Variants in SYNE2 observed in about 807,000 individuals in gnomAD.
SYNE2 encodes nesprin-2.
SYNE2 carries 431 observed loss-of-function variants against 856.3 expected under a neutral mutation model. The observed-to-expected ratio is 0.50, with a 90% CI of 0.47 to 0.55. The LOEUF is 0.55. Among genes scored for constraint, SYNE2 ranks in the 20% least tolerant of loss-of-function variants. SYNE2 has a pLI of 0.00. For synonymous variants in SYNE2, 2,923 were observed against 2,872.3 expected (o/e 1.02, Z -0.56); for missense variants, 8,129 against 8,023.2 (o/e 1.01, Z -0.50).
chr14:64,079,434 A>G (rs1214555791), intron 55 of SYNE2, among the ~76,000 whole-genome samples: 1 of 152,244 alleles, frequency 6.6e-6, no homozygotes, highest in Admixed American at 6.5e-5. Flanking sequence ...GGGGCTTTTA[A>G]AATAGGTCAG....
intron 48 of SYNE2, among the ~76,000 whole-genome samples, chr14:64,055,367 C>CTTTT (rs35956880): frequency 2.3e-5 from 3 of 131,918 alleles, no homozygotes; most frequent in Admixed American, 7.7e-5. Context: ...CTGAAAATAA[C>CTTTT]TTTTTTTTTT....
Position 64,026,687 on chromosome 14 carries a change from A to C in SYNE2, c.6361A>C (p.Asn2121His), listed in dbSNP as rs776169606. 2 of 1,612,512 alleles carry C rather than the reference A, an allele frequency of 1.2e-6. No individual in the cohort carries two copies. Among genetic ancestry groups the C allele is most frequent in the Non-Finnish European group, 1.7e-6 (2 of 1,179,188 alleles). Residue 2121 changes from asparagine to histidine, a missense_variant, in exon 42 of 116, where the codon AAC becomes CAC. By Grantham distance (68) the Asn-to-His change is moderately conservative (BLOSUM62 1). Around this residue, in one of 3 missense-constraint regions of SYNE2, gnomAD observed 297 missense variants for 380.9 expected, o/e 0.78. Transcript: ENST00000555002. Reference sequence around the variant, plus strand: ...TCAGAAGACCCTCACTGACATCAGCAACCAGTGGGACAACACACTCCATTT... The same window carrying C: ...TCAGAAGACCCTCACTGACATCAGCCACCAGTGGGACAACACACTCCATTT... ...LVQKTLTDIS[N>H]QWDNTLHLAS... is the part of the protein sequence containing the mutation.
At chr14:63,794,797 C>T (rs1256618377) in intron 1 of SYNE2, among the ~76,000 whole-genome samples, 1 of 152,294 alleles carries the variant, frequency 6.6e-6, no homozygotes, top group African/African-American at 2.4e-5. Context: ...GGAACCCATA[C>T]ATTGCTGGTG....
chr14:64,087,756 C>T lies in SYNE2; in HGVS notation c.11570C>T (p.Thr3857Ile), dbSNP rs746928375. The change falls in exon 58 of 116, where the codon ACA becomes ATA. Residue 3857 changes from threonine to isoleucine, a missense_variant. Coordinates refer to ENST00000555002, the MANE Select transcript of SYNE2 (RefSeq NM_182914.3). Reference protein sequence around the residue: ...DLEDLSIIFETDELTQSIQEL... With the variant: ...DLEDLSIIFEIDELTQSIQEL... ...GAAGACCTGTCAATAATTTTTGAAACAGATGAATTAACCCAATCCATACAA... is the reference window on the plus strand; with the variant it reads ...GAAGACCTGTCAATAATTTTTGAAATAGATGAATTAACCCAATCCATACAA... 2 of 1,614,044 alleles carry T rather than the reference C, an allele frequency of 1.2e-6. No individual in the cohort carries two copies. The highest frequency in any genetic ancestry group is 2.2e-5 in the South Asian group (2 of 91,084).
intron 46 of SYNE2, chr14:64,048,724 A>T (rs566354976): frequency 6.6e-6 from 1 of 152,574 alleles, no homozygotes; most frequent in Admixed American, 6.5e-5. Flanking sequence ...CCTGGGCAGC[A>T]TTGCGAGACC....
At chr14:64,129,303 G>A (rs1296156483) in intron 74 of SYNE2, among the ~76,000 whole-genome samples, 3 of 152,082 alleles carry the variant, frequency 2.0e-5, no homozygotes, top group Non-Finnish European at 2.9e-5. Context: ...CCAGACTTTT[G>A]TCTCTAAATA....
chr14:64,037,856 C>T (rs1198454979), intron 45 of SYNE2, among the ~76,000 whole-genome samples: 21 of 150,330 alleles, frequency 1.4e-4, no homozygotes, highest in African/African-American at 4.7e-4. Flanking sequence ...ACACCCCCAC[C>T]TCCCTCCCGG....
intron 65 of SYNE2, among the ~76,000 whole-genome samples, chr14:64,110,419 A>G (rs2097796494): frequency 6.6e-6 from 1 of 152,190 alleles, no homozygotes; most frequent in African/African-American, 2.4e-5. Flanking sequence ...GTAGATTCCA[A>G]AGTGTAGTGA....
rs530791987 is a variant in SYNE2 at position 63,843,135 on chromosome 14, C to G, written c.-304-9366C>G. On this transcript the variant is annotated intron_variant, in intron 1 of 23. Transcript: ENST00000674003. The stretch of plus-strand genomic sequence containing the variant: ...CACTGCAACCTCTACCTCCCAGGCT[C>G]AAGTGATCCTCCCACCTTAGCCTTT... 4.6e-5 allele frequency among the ~76,000 whole-genome samples: 7 copies of G among 152,176 alleles called. No homozygotes were observed. In the South Asian group the frequency reaches 6.2e-4, roughly 14 times the overall value.
At chr14:63,991,643 C>T (rs1190990164) in intron 21 of SYNE2, among the ~76,000 whole-genome samples, 1 of 152,100 alleles carries the variant, frequency 6.6e-6, no homozygotes, top group Non-Finnish European at 1.5e-5. Flanking sequence ...GTTTGATAGG[C>T]TGAGGTTGCA....
At position 63,807,341 on chromosome 14, in the gene SYNE2, C is replaced by CAA. The variant is rs574264237; in HGVS notation, c.-304-45143_-304-45142dup. 8.5e-4 allele frequency among the ~76,000 whole-genome samples: 74 copies of CAA among 86,632 alleles called. 1 individual carries two copies. The highest frequency in any genetic ancestry group is 1.0e-3 in the Non-Finnish European group (41 of 40,890). The allele number at this position is 86,632 out of a possible 152,430, so 56.8% of individuals were successfully genotyped here. ...TGGATGACAGAACAAGACCCTGTCTCAAAAAAAAAAAAAAAAAAGTAGGTC... is the reference window on the plus strand; with the variant it reads ...TGGATGACAGAACAAGACCCTGTCTCAAAAAAAAAAAAAAAAAAAAGTAGGTC... On this transcript the variant is annotated intron_variant, in intron 1 of 23. Transcript: ENST00000674003.
chr14:63,814,558 TAATA>T (rs1176426706), intron 1 of SYNE2, among the ~76,000 whole-genome samples: 3 of 139,646 alleles, frequency 2.1e-5, no homozygotes, highest in African/African-American at 7.8e-5. Flanking sequence ...CCATTATATA[TAATA>T]TATATCCTTA....
chr14:64,114,187 T>C (rs1274741780), intron 66 of SYNE2, among the ~76,000 whole-genome samples: 1 of 152,172 alleles, frequency 6.6e-6, no homozygotes, highest in Non-Finnish European at 1.5e-5. Context: ...GGATATAAAC[T>C]TCCTTGCCGC....
chr14:63,775,528 G>A (rs943989905), intron 1 of SYNE2, among the ~76,000 whole-genome samples: 3 of 152,006 alleles, frequency 2.0e-5, no homozygotes, highest in East Asian at 1.9e-4. Flanking sequence ...TACCTGCCTC[G>A]GCCTCCCAAA....
chr14:64,202,827 C>G lies in SYNE2; in HGVS notation c.18065C>G (p.Ala6022Gly). ...SRVKKLKETF[A>G]FIQQLDKNMS... is the part of the protein sequence containing the mutation. ...GTGAAGAAGCTGAAGGAGACCTTTG[C>G]TTTTATTCAGCAGTTGGACAAAAAC... The change falls in exon 100 of 116, where the codon GCT becomes GGT. Residue 6022 changes from alanine to glycine, a missense_variant. Physicochemically the swap from Ala to Gly is moderately conservative, Grantham distance 60 (BLOSUM62 0). This residue lies in a region of SYNE2 where 5,410 missense variants were observed against 5,284.8 expected (regional missense o/e 1.02). Coordinates refer to ENST00000555002, the MANE Select transcript of SYNE2 (RefSeq NM_182914.3). 1 of 1,614,066 alleles carries G rather than the reference C, an allele frequency of 6.2e-7. No individual in the cohort carries two copies. Among genetic ancestry groups the G allele is most frequent in the Non-Finnish European group, 8.5e-7 (1 of 1,180,014 alleles).
In SYNE2 at chr14:64,091,013, G is replaced by A. The variant is rs2097607724; in HGVS notation, c.11941G>A (p.Glu3981Lys). The change falls in exon 60 of 116, where the codon GAA becomes AAA. Residue 3981 changes from glutamate to lysine, a missense_variant. Around this residue, in one of 3 missense-constraint regions of SYNE2, gnomAD observed 5,410 missense variants for 5,284.8 expected, o/e 1.02. Coordinates refer to ENST00000555002, the MANE Select transcript of SYNE2 (RefSeq NM_182914.3). Reference protein sequence around the residue: ...NQLLQDIKLLENVTQEQNELL... With the variant: ...NQLLQDIKLLKNVTQEQNELL... ...GCTTTTACAAGATATAAAACTATTG[G>A]AAAATGTGACTCAAGAACAAAATGA... is the stretch of plus-strand genomic sequence containing the variant. 1.9e-6 allele frequency: 3 copies of A among 1,613,934 alleles called. No individual in the cohort carries two copies. Among genetic ancestry groups the A allele is most frequent in the African/African-American group, 2.7e-5 (2 of 74,924 alleles).
intron 100 of SYNE2, among the ~76,000 whole-genome samples, chr14:64,204,850 T>G (rs1459947168): frequency 6.6e-6 from 1 of 152,226 alleles, no homozygotes; most frequent in African/African-American, 2.4e-5. Flanking sequence ...CTGAAATGGA[T>G]CTCACTGGGC....
chr14:64,217,937 G>T (rs561563461), intron 108 of SYNE2, among the ~76,000 whole-genome samples: 1 of 152,306 alleles, frequency 6.6e-6, no homozygotes, highest in East Asian at 1.9e-4. Flanking sequence ...CCCCTGGGAG[G>T]CAGATTCATC....
At chr14:64,114,045 A>C (rs2097834652) in intron 66 of SYNE2, among the ~76,000 whole-genome samples, 1 of 152,228 alleles carries the variant, frequency 6.6e-6, no homozygotes, top group Non-Finnish European at 1.5e-5. Flanking sequence ...ATTCAATTTT[A>C]GTAAGTAATT....
Sources: allele counts gnomAD v4.1 joint callset (sites outside exome capture counted in the v4.1 genomes callset), GRCh38; gene constraint gnomAD v4.1.1; regional missense constraint gnomAD v4.1.1; transcripts MANE v1.5; gene names NCBI Gene and HGNC (gene_info 2026-07-23, HGNC 2026-07-21).